The following FANCC variants were observed in gnomAD, a reference collection of about 807,000 sequenced individuals.
FANCC encodes the protein Fanconi anemia group C protein.
Under a neutral mutation model 71.3 loss-of-function variants are expected in FANCC, and 55 were observed. That is an observed-to-expected ratio of 0.77 (90% confidence interval 0.62 to 0.97). FANCC has a LOEUF of 0.97. Ranked by LOEUF, FANCC falls within the 50% of genes least tolerant of loss-of-function variation. The pLI is 0.00. For missense variants in FANCC, 678 were observed against 670.9 expected (o/e 1.01, Z -0.12); for synonymous variants, 275 against 244.9 (o/e 1.12, Z -1.15).
chr9:95,242,989 T>G (rs1186659848), intron 3 of FANCC, among the ~76,000 whole-genome samples: 1 of 152,076 alleles, frequency 6.6e-6, no homozygotes, highest in African/African-American at 2.4e-5. Context: ...TAAAACTGAG[T>G]GGAAAGGAAA....
intron 3 of FANCC, among the ~76,000 whole-genome samples, chr9:95,242,588 T>C (rs1447908032): frequency 2.0e-5 from 3 of 151,920 alleles, no homozygotes; most frequent in African/African-American, 4.8e-5. Context: ...TGAGTGATTA[T>C]GCAAACTTAG....
intron 10 of FANCC, among the ~76,000 whole-genome samples, chr9:95,121,839 G>A (rs2134809904): frequency 6.6e-6 from 1 of 151,898 alleles, no homozygotes; most frequent in South Asian, 2.1e-4. Flanking sequence ...AGAGCAAAGG[G>A]ATAATAAACA....
chr9:95,102,692 A>T (rs577173162), intron 14 of FANCC, among the ~76,000 whole-genome samples: 1 of 152,174 alleles, frequency 6.6e-6, no homozygotes, highest in Non-Finnish European at 1.5e-5. Flanking sequence ...TCCCAGGACT[A>T]TTCTGGTTTT....
At chr9:95,308,028 T>C (rs1012415862) in intron 1 of FANCC, among the ~76,000 whole-genome samples, 2 of 152,196 alleles carry the variant, frequency 1.3e-5, no homozygotes, top group African/African-American at 4.8e-5. Context: ...ATAATATCAA[T>C]CCATTCATGT....
chr9:95,196,244 T>C (rs997541998), intron 4 of FANCC, among the ~76,000 whole-genome samples: 1 of 152,130 alleles, frequency 6.6e-6, no homozygotes. Flanking sequence ...GTTTGGGAGG[T>C]GCCCTTTATG....
In FANCC at chr9:95,101,606, G is replaced by A. The variant is rs1298436451; in HGVS notation, c.*101C>T. 4.2e-6 allele frequency: 6 copies of A among 1,419,496 alleles called. No homozygotes were observed. The highest frequency in any genetic ancestry group is 3.5e-5 in the South Asian group (3 of 84,734). The allele number at this position is 1,419,496 out of a possible 1,614,324, so 87.9% of individuals were successfully genotyped here. On this transcript the variant is annotated 3_prime_UTR_variant, in exon 15 of 15. Transcript: ENST00000289081. ...CAGCTCATTCTCACAGCCCAGCGAG[G>A]GCACTTACTCCACAAATGCGTGGCC... is the stretch of plus-strand genomic sequence containing the variant.
chr9:95,211,541 A>T (rs1019957098), intron 4 of FANCC, among the ~76,000 whole-genome samples: 1 of 152,206 alleles, frequency 6.6e-6, no homozygotes, highest in Non-Finnish European at 1.5e-5. Flanking sequence ...CTGCCCCAAC[A>T]ACGTTTACAA....
chr9:95,197,301 C>A (rs10993487), intron 4 of FANCC, among the ~76,000 whole-genome samples: 3,419 of 152,248 alleles, frequency 0.022, 54 homozygotes, highest in Non-Finnish European at 0.034. Flanking sequence ...CCTTGAGAGG[C>A]CGAGGTAGGA....
intron 7 of FANCC, among the ~76,000 whole-genome samples, chr9:95,141,551 T>C (rs1427174631): frequency 1.3e-5 from 2 of 152,224 alleles, no homozygotes; most frequent in South Asian, 2.1e-4. Context: ...ATCTTGATTG[T>C]AGGTCGGCCC....
intron 4 of FANCC, among the ~76,000 whole-genome samples, chr9:95,208,553 A>T (rs1268452554): frequency 6.6e-6 from 1 of 152,246 alleles, no homozygotes; most frequent in Non-Finnish European, 1.5e-5. Flanking sequence ...TAACTAGAAG[A>T]AAACTACTTG....
At chr9:95,178,696 C>A (rs1479868593) in intron 4 of FANCC, among the ~76,000 whole-genome samples, 1 of 152,258 alleles carries the variant, frequency 6.6e-6, no homozygotes, top group East Asian at 1.9e-4. Flanking sequence ...CCAAAGAACA[C>A]TGGGTGGTCA....
intron 1 of FANCC, among the ~76,000 whole-genome samples, chr9:95,271,924 C>CTTTTTTTTTTTTTTTTTTTTTTTTT (rs1300486732): frequency 1.5e-5 from 1 of 67,240 alleles, no homozygotes; most frequent in Non-Finnish European, 3.1e-5. Flanking sequence ...CATCAAGCCT[C>CTTTTTTTTTTTTTTTTTTTTTTTTT]TTCTTTTTTT....
At chr9:95,143,895 T>C (rs1235127816) in intron 7 of FANCC, among the ~76,000 whole-genome samples, 19 of 152,224 alleles carry the variant, frequency 1.2e-4, no homozygotes, top group Admixed American at 1.2e-3. Context: ...AAAGTTCCTC[T>C]AGGTTATCTA....
In FANCC at chr9:95,259,270, G is replaced by A. The variant is rs182254191; in HGVS notation, c.-78-9901C>T. On this transcript the variant is annotated intron_variant, in intron 1 of 14. Transcript: ENST00000289081. Reference sequence around the variant, plus strand: ...CAAAAAGAACAAAGGTGGAGACATCGCACTACCTGACTTCAAATTATATAC... The same window carrying A: ...CAAAAAGAACAAAGGTGGAGACATCACACTACCTGACTTCAAATTATATAC... 4.5e-3 allele frequency among the ~76,000 whole-genome samples: 684 copies of A among 152,076 alleles called. 2 individuals carry two copies. The highest frequency in any genetic ancestry group is 0.016 in the African/African-American group (664 of 41,502).
At chr9:95,140,386 C>T (rs1828456559) in intron 7 of FANCC, among the ~76,000 whole-genome samples, 2 of 152,140 alleles carry the variant, frequency 1.3e-5, no homozygotes, top group Non-Finnish European at 2.9e-5. Flanking sequence ...GTTGTGTTTT[C>T]TCATCCTTTA....
chr9:95,173,714 G>A (rs576312231), intron 4 of FANCC, among the ~76,000 whole-genome samples: 2 of 152,154 alleles, frequency 1.3e-5, no homozygotes, highest in East Asian at 3.9e-4. Context: ...CCAGGAGTTC[G>A]AGACTAGCCT....
At chr9:95,143,141 A>G (rs1379678139) in intron 7 of FANCC, among the ~76,000 whole-genome samples, 1 of 152,180 alleles carries the variant, frequency 6.6e-6, no homozygotes, top group Non-Finnish European at 1.5e-5. Flanking sequence ...TTTACTTGCC[A>G]TTACCAATTT....
intron 1 of FANCC, among the ~76,000 whole-genome samples, chr9:95,315,717 G>A (rs1276966872): frequency 1.3e-5 from 2 of 152,160 alleles, no homozygotes; most frequent in East Asian, 1.9e-4. Flanking sequence ...TTTCCAGCCC[G>A]ATTTGAGGCC....
At position 95,123,158 on chromosome 9, in the gene FANCC, C is replaced by G. The variant is rs181055320; in HGVS notation, c.996+1928G>C. ...CTACAAAAAAAAATTTAAAAATTAG[C>G]TGGGCGTGGTGGCTTGAACCTGTGG... On this transcript the variant is annotated intron_variant, in intron 10 of 14. Transcript: ENST00000289081. Among the ~76,000 whole-genome samples the G allele has an allele frequency of 2.0e-5, 3 of 152,058 alleles. No homozygotes were observed. The East Asian group carries it at 5.8e-4, about 29-fold the overall frequency.
Sources: gnomAD v4.1 joint callset for allele counts (sites outside exome capture counted in the v4.1 genomes callset) on GRCh38, gnomAD v4.1.1 for gene constraint, MANE v1.5 for transcripts, NCBI Gene and HGNC (gene_info 2026-07-23, HGNC 2026-07-21) for gene names.